Variants in SGCZ observed in about 807,000 individuals in gnomAD.
SGCZ encodes zeta-sarcoglycan.
Under a neutral mutation model 41.3 loss-of-function variants are expected in SGCZ, and 40 were observed. That is an observed-to-expected ratio of 0.97 (90% CI 0.75 to 1.26). The LOEUF is 1.26. Ranked by LOEUF, SGCZ falls within the 50% of genes most tolerant of loss-of-function variation. The probability of loss-of-function intolerance (pLI) is 0.00; values close to 1 mark genes in which losing one functional copy is unlikely to be tolerated. For synonymous variants in SGCZ, 206 were observed against 137.5 expected (o/e 1.50, Z -3.49); for missense variants, 552 against 369.8 (o/e 1.49, Z -4.04).
rs533339307 is a variant in SGCZ at position 15,082,126 on chromosome 8, G to A, written c.39+155459C>T. ...CACCTGTAATCTCAGCTACTGGGGA[G>A]GCTGAGGCAGGAGAATCGCTTGAAC... On this transcript the variant is annotated intron_variant, in intron 1 of 7. Transcript: ENST00000382080. 2.0e-5 allele frequency among the ~76,000 whole-genome samples: 3 copies of A among 152,166 alleles called. No individual in the cohort carries two copies. The South Asian group carries it at 6.2e-4, about 32-fold the overall frequency.
intron 4 of SGCZ, among the ~76,000 whole-genome samples, chr8:14,229,932 G>A (rs1319909588): frequency 5.9e-5 from 9 of 151,982 alleles, no homozygotes; most frequent in Non-Finnish European, 1.3e-4. Context: ...ACTGTTTTGT[G>A]GATTAAATTT....
chr8:15,014,132 C>G (rs1015700358), intron 1 of SGCZ, among the ~76,000 whole-genome samples: 4 of 152,202 alleles, frequency 2.6e-5, no homozygotes, highest in African/African-American at 9.7e-5. Context: ...TGAGTGATCT[C>G]ATGAAACCCT....
At chr8:14,508,867 G>C (rs943471018) in intron 2 of SGCZ, among the ~76,000 whole-genome samples, 2 of 151,994 alleles carry the variant, frequency 1.3e-5, no homozygotes, top group African/African-American at 4.8e-5. Context: ...TACATTTTTG[G>C]GTGCTTAAGT....
At chr8:15,117,773 ATAAC>A (rs985958587) in intron 1 of SGCZ, among the ~76,000 whole-genome samples, 4 of 152,250 alleles carry the variant, frequency 2.6e-5, no homozygotes, top group African/African-American at 9.6e-5. Flanking sequence ...CAGAAAATAA[ATAAC>A]TATTTCATCA....
intron 1 of SGCZ, among the ~76,000 whole-genome samples, chr8:14,574,309 G>T (rs1804644924): frequency 6.6e-6 from 1 of 151,876 alleles, no homozygotes; most frequent in Non-Finnish European, 1.5e-5. Flanking sequence ...TCTCCCCTTA[G>T]GCAAGCCAAA....
At chr8:14,566,746 C>T (rs1804377096) in intron 1 of SGCZ, among the ~76,000 whole-genome samples, 1 of 152,234 alleles carries the variant, frequency 6.6e-6, no homozygotes, top group Non-Finnish European at 1.5e-5. Flanking sequence ...CTTCAGCCCG[C>T]CGCTGCACTG....
intron 3 of SGCZ, among the ~76,000 whole-genome samples, chr8:14,282,034 T>C (rs925472133): frequency 1.3e-5 from 2 of 152,144 alleles, no homozygotes; most frequent in East Asian, 1.9e-4. Context: ...TATCAAACCA[T>C]ATTGGCTCTA....
chr8:14,909,709 G>C (rs1481277122), intron 1 of SGCZ, among the ~76,000 whole-genome samples: 1 of 151,978 alleles, frequency 6.6e-6, no homozygotes, highest in Admixed American at 6.6e-5. Context: ...ACTCAGCCTG[G>C]TTTGCATCAA....
At chr8:14,702,153 A>C (rs1228040951) in intron 1 of SGCZ, among the ~76,000 whole-genome samples, 2 of 151,728 alleles carry the variant, frequency 1.3e-5, no homozygotes, top group African/African-American at 4.8e-5. Flanking sequence ...CACTTTGCCC[A>C]CCCCGCTGGA....
rs150972398 is a variant in SGCZ, at chr8:14,371,538, T to C, written c.235-47334A>G. On this transcript the variant is annotated intron_variant, in intron 2 of 7. Transcript: ENST00000382080. The stretch of plus-strand genomic sequence containing the variant: ...GTAAATATAAAAAAAAGTGTTTCTA[T>C]ATTTTTGGGGCATTCTAAGATGATC... Among the ~76,000 whole-genome samples, 671 of 152,218 alleles carry C rather than the reference T, an allele frequency of 4.4e-3. 4 individuals are homozygous for C. Among genetic ancestry groups the C allele is most frequent in the African/African-American group, 0.015 (634 of 41,566 alleles).
intron 1 of SGCZ, among the ~76,000 whole-genome samples, chr8:14,922,153 C>A (rs1342953294): frequency 6.6e-6 from 1 of 151,936 alleles, no homozygotes; most frequent in Admixed American, 6.6e-5. Flanking sequence ...GGGAAGGGAA[C>A]CAGCTGTGTA....
chr8:15,025,416 G>T (rs1006791680), intron 1 of SGCZ, among the ~76,000 whole-genome samples: 4 of 152,132 alleles, frequency 2.6e-5, no homozygotes, highest in African/African-American at 9.7e-5. Context: ...TAAAGGGCAG[G>T]AAAAACTGAA....
At chr8:14,196,788 T>C (rs947797875) in intron 4 of SGCZ, among the ~76,000 whole-genome samples, 13 of 152,116 alleles carry the variant, frequency 8.5e-5, no homozygotes, top group South Asian at 2.1e-4. Context: ...GCCAAAACTA[T>C]ACAAGTTAAA....
chr8:14,173,030 C>A (rs575389296), intron 4 of SGCZ, among the ~76,000 whole-genome samples: 1 of 152,022 alleles, frequency 6.6e-6, no homozygotes, highest in Non-Finnish European at 1.5e-5. Flanking sequence ...GAAGTTGAGG[C>A]CCCTGAGTGC....
At chr8:14,983,177 T>C (rs754276314) in intron 1 of SGCZ, among the ~76,000 whole-genome samples, 23 of 104,372 alleles carry the variant, frequency 2.2e-4, no homozygotes, top group Non-Finnish European at 3.7e-4. Context: ...GTCACTCCTT[T>C]TTTTTTTCTT....
In SGCZ at chr8:14,155,275, G is replaced by GT. The variant is rs1170570896; in HGVS notation, c.547+9304dup. On this transcript the variant is annotated intron_variant, in intron 5 of 7. Transcript: ENST00000382080. ...CTTCAAGTTAATGCTCAAGTTATGC[G>GT]TTTTTGTCTGATATAATATAGAAGT... 2.6e-5 allele frequency among the ~76,000 whole-genome samples: 4 copies of GT among 152,006 alleles called. No individual in the cohort carries two copies. In the East Asian group the frequency reaches 7.7e-4, roughly 29 times the overall value.
chr8:14,354,778 A>G (rs1803234063), intron 2 of SGCZ, among the ~76,000 whole-genome samples: 1 of 151,894 alleles, frequency 6.6e-6, no homozygotes, highest in Non-Finnish European at 1.5e-5. Context: ...TAAAGCTAAA[A>G]AACATGACTT....
At chr8:15,035,072 G>T (rs1803825581) in intron 1 of SGCZ, among the ~76,000 whole-genome samples, 1 of 152,010 alleles carries the variant, frequency 6.6e-6, no homozygotes, top group Admixed American at 6.6e-5. Context: ...TAGTCTACTG[G>T]TGGTATATAA....
At chr8:14,519,585 G>A (rs1171163978) in intron 2 of SGCZ, among the ~76,000 whole-genome samples, 1 of 152,060 alleles carries the variant, frequency 6.6e-6, no homozygotes, top group Non-Finnish European at 1.5e-5. Context: ...GAAAATGTTA[G>A]TGATGGGTAG....
Sources: gnomAD v4.1 joint callset for allele counts (sites outside exome capture counted in the v4.1 genomes callset) on GRCh38, gnomAD v4.1.1 for gene constraint, MANE v1.5 for transcripts, NCBI Gene and HGNC (gene_info 2026-07-23, HGNC 2026-07-21) for gene names.